DOK6: variants seen among roughly 807,000 people sequenced by gnomAD.
DOK6 encodes the protein docking protein 6, also known as downstream of tyrosine kinase 6.
A neutral mutation model predicts 44.0 loss-of-function variants in DOK6; 22 were observed. The observed-to-expected ratio is 0.50, with a 90% CI of 0.36 to 0.71. The LOEUF is 0.71. DOK6 is among the 30% of genes least tolerant of loss of function. DOK6 has a pLI of 0.00. For missense variants in DOK6, 340 were observed against 416.4 expected (o/e 0.82, Z 1.60); for synonymous variants, 166 against 145.5 (o/e 1.14, Z -1.01).
intron 3 of DOK6, among the ~76,000 whole-genome samples, chr18:69,607,053 C>T (rs1984018098): frequency 6.6e-6 from 1 of 151,770 alleles, no homozygotes; most frequent in Non-Finnish European, 1.5e-5. Flanking sequence ...TTTTTTTTCC[C>T]AAGTCCCAAA....
chr18:69,563,244 G>A (rs544167092), intron 1 of DOK6, among the ~76,000 whole-genome samples: 40 of 152,230 alleles, frequency 2.6e-4, no homozygotes, highest in African/African-American at 8.2e-4. Context: ...TCAGTGTGGC[G>A]ATTCCTCAGG....
chr18:69,678,845 G>A (rs1476272665), intron 4 of DOK6, among the ~76,000 whole-genome samples: 1 of 145,748 alleles, frequency 6.9e-6, no homozygotes, highest in Non-Finnish European at 1.5e-5. Flanking sequence ...TGTTTTGAAA[G>A]GTTGAAGGAT....
At chr18:69,735,680 G>T (rs549923142) in intron 5 of DOK6, among the ~76,000 whole-genome samples, 129 of 152,324 alleles carry the variant, frequency 8.5e-4, no homozygotes, top group African/African-American at 3.1e-3. Flanking sequence ...TCAGGCTCCA[G>T]GCTGCATCAG....
chr18:69,778,232 T>C (rs1980141404), intron 7 of DOK6, among the ~76,000 whole-genome samples: 1 of 152,142 alleles, frequency 6.6e-6, no homozygotes, highest in Non-Finnish European at 1.5e-5. Flanking sequence ...AAATACAAGA[T>C]GTATATAAAG....
Position 69,819,300 on chromosome 18 carries a change from C to T in DOK6, c.857-21944C>T, listed in dbSNP as rs147154989. ...TGCATACAATCAAGAAAAAAAATCC[C>T]GAGTAAAATGTCATTAATGCACATT... On this transcript the variant is annotated intron_variant, in intron 7 of 7. Coordinates refer to ENST00000382713, the MANE Select transcript of DOK6 (RefSeq NM_152721.6). 1.4e-4 allele frequency among the ~76,000 whole-genome samples: 21 copies of T among 152,190 alleles called. No homozygotes were observed. In the East Asian group the frequency reaches 3.3e-3, roughly 24 times the overall value.
At chr18:69,589,852 C>T (rs187022477) in intron 2 of DOK6, among the ~76,000 whole-genome samples, 2 of 152,190 alleles carry the variant, frequency 1.3e-5, no homozygotes, top group African/African-American at 2.4e-5. Context: ...GAGAAAATAT[C>T]GCTATGTCCT....
chr18:69,569,883 T>A (rs778219514), intron 2 of DOK6, among the ~76,000 whole-genome samples: 8 of 152,018 alleles, frequency 5.3e-5, no homozygotes, highest in Non-Finnish European at 1.0e-4. Context: ...AAGAACAAGA[T>A]CATGTATAAC....
intron 2 of DOK6, among the ~76,000 whole-genome samples, chr18:69,598,500 T>C (rs1983799050): frequency 6.6e-6 from 1 of 152,116 alleles, no homozygotes; most frequent in African/African-American, 2.4e-5. Context: ...ACTATGCTAG[T>C]TAATCCTGTC....
chr18:69,591,080 T>C lies in DOK6; in HGVS notation c.175-8304T>C, dbSNP rs187266050. ...TGGCTCCAAACAATAGTAGCAGTTA[T>C]ATTTTTTACAATCATGCAGTTACCT... On this transcript the variant is annotated intron_variant, in intron 2 of 7. Transcript: ENST00000382713. Among the ~76,000 whole-genome samples the C allele has an allele frequency of 1.8e-3, 277 of 152,312 alleles. 3 individuals carry two copies. The highest frequency in any genetic ancestry group is 1.0e-4 in the Non-Finnish European group (7 of 68,004).
chr18:69,567,455 A>G (rs528046541), intron 2 of DOK6, among the ~76,000 whole-genome samples: 1 of 152,290 alleles, frequency 6.6e-6, no homozygotes. Flanking sequence ...AGAAGAAAGA[A>G]AAATTTTTAA....
chr18:69,568,485 T>C (rs1983039033), intron 2 of DOK6, among the ~76,000 whole-genome samples: 1 of 152,322 alleles, frequency 6.6e-6, no homozygotes, highest in African/African-American at 2.4e-5. Context: ...ATCAAGGGAA[T>C]GACAGCTTCT....
intron 1 of DOK6, among the ~76,000 whole-genome samples, chr18:69,520,115 C>A (rs1599170840): frequency 6.6e-6 from 1 of 151,708 alleles, no homozygotes; most frequent in East Asian, 1.9e-4. Flanking sequence ...GTTAAGTCAC[C>A]ATAAAAAACT....
intron 7 of DOK6, among the ~76,000 whole-genome samples, chr18:69,801,764 T>C (rs1980911834): frequency 6.6e-6 from 1 of 152,236 alleles, no homozygotes; most frequent in Admixed American, 6.5e-5. Context: ...TTCTCTCAGA[T>C]TAAAACCATC....
At chr18:69,735,056 G>A (rs1978557482) in intron 5 of DOK6, among the ~76,000 whole-genome samples, 1 of 152,178 alleles carries the variant, frequency 6.6e-6, no homozygotes, top group Admixed American at 6.5e-5. Context: ...GAATAGTGGA[G>A]CACCTCCTCT....
chr18:69,700,515 C>T (rs1599271436), intron 5 of DOK6, among the ~76,000 whole-genome samples: 1 of 152,106 alleles, frequency 6.6e-6, no homozygotes, highest in East Asian at 1.9e-4. Context: ...TAAGATCTTT[C>T]TATTTCATAG....
chr18:69,605,329 G>A (rs973270677), intron 3 of DOK6, among the ~76,000 whole-genome samples: 4 of 152,062 alleles, frequency 2.6e-5, no homozygotes, highest in African/African-American at 4.8e-5. Context: ...TGACCTGTCC[G>A]TTTAACCAAA....
Position 69,720,658 on chromosome 18 carries a change from G to A in DOK6, c.600-18307G>A, listed in dbSNP as rs73455032. On this transcript the variant is annotated intron_variant, in intron 5 of 7. Coordinates refer to ENST00000382713, the MANE Select transcript of DOK6 (RefSeq NM_152721.6). ...TCTAATCAAATAGTCACAAAAGTTC[G>A]GTTATTTTATTTTGGTTTTGCAATA... is the stretch of plus-strand genomic sequence containing the variant. Among the ~76,000 whole-genome samples the A allele has an allele frequency of 5.1e-3, 774 of 152,060 alleles. 3 individuals carry two copies. Among genetic ancestry groups the A allele is most frequent in the African/African-American group, 0.017 (688 of 41,494 alleles).
chr18:69,566,811 G>A (rs752599615), intron 2 of DOK6, among the ~76,000 whole-genome samples: 21 of 152,234 alleles, frequency 1.4e-4, no homozygotes, highest in Admixed American at 1.3e-3. Flanking sequence ...TCTCTGCAAA[G>A]ATGATATTTG....
intron 1 of DOK6, among the ~76,000 whole-genome samples, chr18:69,499,962 C>A (rs1981001519): frequency 6.6e-6 from 1 of 152,172 alleles, no homozygotes; most frequent in Non-Finnish European, 1.5e-5. Flanking sequence ...GCCCAAGCCA[C>A]TATTGGACTT....
Sources: gnomAD v4.1 joint callset for allele counts (sites outside exome capture counted in the v4.1 genomes callset) on GRCh38, gnomAD v4.1.1 for gene constraint, MANE v1.5 for transcripts, NCBI Gene and HGNC (gene_info 2026-07-23, HGNC 2026-07-21) for gene names.